Variants in FBXW7 observed in about 807,000 individuals in gnomAD.
The protein encoded by FBXW7 is F-box and WD repeat domain containing 7.
Under a neutral mutation model 86.3 loss-of-function variants are expected in FBXW7, and 11 were observed. That is an observed-to-expected ratio of 0.13 (90% CI 0.08 to 0.21). FBXW7 has a LOEUF of 0.21. Among genes scored for constraint, FBXW7 ranks in the 10% least tolerant of loss-of-function variants. The pLI, the probability that FBXW7 is intolerant of heterozygous loss-of-function variation, is 1.00. For missense variants in FBXW7, 488 were observed against 847.4 expected (o/e 0.58, Z 5.27); for synonymous variants, 313 against 297.9 (o/e 1.05, Z -0.52).
At chr4:152,410,531 A>C (rs540019186) in intron 4 of FBXW7, among the ~76,000 whole-genome samples, 145 of 151,358 alleles carry the variant, frequency 9.6e-4, no homozygotes, top group African/African-American at 3.4e-3. Context: ...ACATTTTAGA[A>C]AGTAAGGTTT....
chr4:152,404,679 C>G (rs922574544), intron 4 of FBXW7, among the ~76,000 whole-genome samples: 1 of 152,176 alleles, frequency 6.6e-6, no homozygotes, highest in Non-Finnish European at 1.5e-5. Context: ...GGATTTTTAA[C>G]TTCTCCTCAG....
chr4:152,357,959 C>T lies in FBXW7; in HGVS notation c.502-7835G>A, dbSNP rs139304773. Reference sequence around the variant, plus strand: ...GTCAGACTAATACTAAGTCAACATCCTCTACTTTTTCACAGACAGCCGGCA... The same window carrying T: ...GTCAGACTAATACTAAGTCAACATCTTCTACTTTTTCACAGACAGCCGGCA... On this transcript the variant is annotated intron_variant, in intron 4 of 13. Coordinates refer to ENST00000281708, the MANE Select transcript of FBXW7 (RefSeq NM_001349798.2). 5.7e-3 allele frequency among the ~76,000 whole-genome samples: 861 copies of T among 152,196 alleles called. 6 individuals are homozygous for T. Among genetic ancestry groups the T allele is most frequent in the Non-Finnish European group, 9.7e-3 (658 of 68,020 alleles).
intron 2 of FBXW7, among the ~76,000 whole-genome samples, chr4:152,500,776 T>C (rs1355788793): frequency 4.6e-5 from 7 of 152,142 alleles, no homozygotes; most frequent in Non-Finnish European, 1.0e-4. Flanking sequence ...TATACAGAAA[T>C]GTATTCAAAA....
intron 4 of FBXW7, among the ~76,000 whole-genome samples, chr4:152,395,200 C>G (rs978312543): frequency 6.6e-6 from 1 of 152,056 alleles, no homozygotes; most frequent in South Asian, 2.1e-4. Context: ...TAAAAATGCA[C>G]ATCCCGACCC....
chr4:152,387,480 A>G (rs1735622922), intron 4 of FBXW7, among the ~76,000 whole-genome samples: 1 of 152,084 alleles, frequency 6.6e-6, no homozygotes, highest in Non-Finnish European at 1.5e-5. Context: ...CTACCAAGCA[A>G]TTCACAAATG....
At chr4:152,446,750 A>G (rs1198755146) in intron 2 of FBXW7, among the ~76,000 whole-genome samples, 4 of 152,086 alleles carry the variant, frequency 2.6e-5, no homozygotes, top group Admixed American at 6.6e-5. Context: ...CTCGTTTCCT[A>G]TTTGCTGAAC....
chr4:152,455,082 T>C (rs970402663), intron 2 of FBXW7, among the ~76,000 whole-genome samples: 1 of 152,166 alleles, frequency 6.6e-6, no homozygotes, highest in Non-Finnish European at 1.5e-5. Context: ...AAAAAGACTT[T>C]AATAATAATA....
intron 7 of FBXW7, among the ~76,000 whole-genome samples, chr4:152,334,922 AT>A (rs143997872): frequency 9.6e-4 from 146 of 152,324 alleles, no homozygotes; most frequent in African/African-American, 3.3e-3. Flanking sequence ...AAACAAAAAA[AT>A]ATGAATTAAA....
At chr4:152,348,457 C>A (rs1731483576) in intron 5 of FBXW7, among the ~76,000 whole-genome samples, 1 of 151,854 alleles carries the variant, frequency 6.6e-6, no homozygotes, top group African/African-American at 2.4e-5. Context: ...CCGAGAGTCT[C>A]CAGAAAAACA....
chr4:152,535,604 CCGGCTCCGCT>C lies in FBXW7; in HGVS notation c.-700_-691del. 1 of 397,200 alleles carries C rather than the reference CCGGCTCCGCT, an allele frequency of 2.5e-6. No individual in the cohort carries two copies. 24.6% of individuals were successfully genotyped at this position (397,200 alleles called of 1,614,324 possible). ...GTCGGCGGCAAGGCGAGGGACCCGG[CCGGCTCCGCT>C]CGGCGCCGCCCCCGCTCCCGGCTCC... On this transcript the variant is annotated 5_prime_UTR_variant, in exon 1 of 14. An upstream open reading frame in the 5' UTR loses its in-frame stop. Transcript: ENST00000281708.
intron 2 of FBXW7, among the ~76,000 whole-genome samples, chr4:152,422,917 G>A (rs192833526): frequency 5.7e-4 from 87 of 152,168 alleles, no homozygotes; most frequent in Non-Finnish European, 1.0e-3. Flanking sequence ...TTAATCTACA[G>A]GTTTATTTTC....
At chr4:152,520,330 G>T (rs1332432639) in intron 2 of FBXW7, among the ~76,000 whole-genome samples, 1 of 151,700 alleles carries the variant, frequency 6.6e-6, no homozygotes, top group Non-Finnish European at 1.5e-5. Context: ...CTACTGGGGA[G>T]GCTGAGGCAG....
chr4:152,370,261 C>A (rs1022444894), intron 4 of FBXW7, among the ~76,000 whole-genome samples: 1 of 151,944 alleles, frequency 6.6e-6, no homozygotes, highest in East Asian at 1.9e-4. Context: ...ATGTTCAAGA[C>A]TAGCAAAGGA....
At chr4:152,336,086 T>C (rs1578907557) in intron 7 of FBXW7, among the ~76,000 whole-genome samples, 1 of 152,280 alleles carries the variant, frequency 6.6e-6, no homozygotes, top group Admixed American at 6.5e-5. Context: ...GTTTTCTATA[T>C]CATTATTTAT....
rs1319417241 is a variant in FBXW7, at chr4:152,518,700, T to C, written c.-120+16241A>G. 5.3e-5 allele frequency among the ~76,000 whole-genome samples: 8 copies of C among 152,238 alleles called. 1 individual carries two copies. In the South Asian group the frequency reaches 1.7e-3, roughly 31 times the overall value. ...GGCAAAGTTCAAATGTATTTAACTA[T>C]AGTTACAAATACAGTATTTTAAATG... On this transcript the variant is annotated intron_variant, in intron 2 of 13. Transcript: ENST00000281708.
At chr4:152,414,182 G>A (rs948259427) in intron 2 of FBXW7, among the ~76,000 whole-genome samples, 6 of 152,110 alleles carry the variant, frequency 3.9e-5, no homozygotes, top group African/African-American at 1.4e-4. Context: ...ACTAATGCCT[G>A]AATTAAGTTT....
At chr4:152,352,600 T>A (rs1369999390) in intron 4 of FBXW7, 1 of 1,613,858 alleles carries the variant, frequency 6.2e-7, no homozygotes, top group Non-Finnish European at 8.5e-7. Context: ...TTCAGGTAGG[T>A]ATGTCACAGA....
Position 152,375,675 on chromosome 4 carries a change from T to C in FBXW7, c.502-25551A>G, listed in dbSNP as rs541265029. Among the ~76,000 whole-genome samples the C allele has an allele frequency of 3.9e-5, 6 of 152,204 alleles. No individual in the cohort carries two copies. The South Asian group carries it at 8.3e-4, about 21-fold the overall frequency. On this transcript the variant is annotated intron_variant, in intron 4 of 13. Transcript: ENST00000281708. ...TAGAATAATAAACATGGAAGTACAA[T>C]GATACAGTATCAGCTAAGTAAAGTC... is the stretch of plus-strand genomic sequence containing the variant.
intron 4 of FBXW7, among the ~76,000 whole-genome samples, chr4:152,352,268 T>C (rs1731889919): frequency 1.3e-5 from 2 of 152,134 alleles, no homozygotes; most frequent in Admixed American, 1.3e-4. Context: ...AAAATATACA[T>C]TTTATCTTAA....
Sources: gnomAD v4.1 joint callset for allele counts (sites outside exome capture counted in the v4.1 genomes callset) on GRCh38, gnomAD v4.1.1 for gene constraint, MANE v1.5 for transcripts, NCBI Gene and HGNC (gene_info 2026-07-23, HGNC 2026-07-21) for gene names.